NLRP1: variants seen among roughly 807,000 people sequenced by gnomAD.
The protein encoded by NLRP1 is NLR family pyrin domain containing 1, also known as NACHT, LRR and PYD domains-containing protein 1.
A neutral mutation model predicts 136.7 loss-of-function variants in NLRP1; 94 were observed. The observed-to-expected ratio is 0.69, with a 90% CI of 0.58 to 0.82. The LOEUF (loss-of-function observed/expected upper bound fraction) is 0.82, where lower values mean the gene tolerates loss of function less well. Ranked by LOEUF, NLRP1 falls within the 40% of genes least tolerant of loss-of-function variation. The pLI is 0.00. For missense variants in NLRP1, 1,575 were observed against 1,802.7 expected (o/e 0.87, Z 2.29); for synonymous variants, 690 against 725.1 (o/e 0.95, Z 0.78).
rs565867931 is a variant in NLRP1 at position 5,545,517 on chromosome 17, C to CACACAGACACAG, written c.2529-3502_2529-3491dup. Among the ~76,000 whole-genome samples the CACACAGACACAG allele has an allele frequency of 1.0e-3, 148 of 145,746 alleles. 2 individuals carry two copies. The highest frequency in any genetic ancestry group is 1.4e-3 in the Non-Finnish European group (91 of 66,358). ...ACACACAGACACACACACACATACA[C>CACACAGACACAG]ACACAGACACAGACACAGACACACA... On this transcript the variant is annotated intron_variant, in intron 5 of 16. Transcript: ENST00000572272.
intron 3 of NLRP1, 117 bp from the exon 4 acceptor site, chr17:5,560,160 C>T (rs530705574): frequency 2.1e-6 from 2 of 934,694 alleles, no homozygotes; most frequent in African/African-American, 3.3e-5. Context: ...TCTGCAGACA[C>T]TGGTATGTTC....
chr17:5,511,006 G>T (rs12602960), downstream of NLRP1, among the ~76,000 whole-genome samples: 44,072 of 151,884 alleles, frequency 0.29, 6,707 homozygotes, highest in African/African-American at 0.39. Context: ...ACCGTTTGAC[G>T]CAAGCTTTGC....
At chr17:5,526,148 A>G in intron 12 of NLRP1, among the ~76,000 whole-genome samples, 1 of 151,732 alleles carries the variant, frequency 6.6e-6, no homozygotes, top group East Asian at 1.9e-4. Context: ...CTAATTCTTC[A>G]ATATTTTTTT....
rs754232028 is a variant in NLRP1, at chr17:5,559,529, T to G, written c.1167A>C (p.Thr389=). The G allele has an allele frequency of 9.9e-6, 16 of 1,614,168 alleles. No individual in the cohort carries two copies. In the African/African-American group the frequency reaches 2.0e-4, roughly 20 times the overall value. Residue 389 remains threonine, a synonymous_variant, in exon 4 of 17, where the codon ACA becomes ACC. Transcript: ENST00000572272. ...TCTGTCTAATGGGAGCCGGAGTGGCTGTCCCATCTTTTCCGATGAGCTCAG... is the reference window on the plus strand; with the variant it reads ...TCTGTCTAATGGGAGCCGGAGTGGCGGTCCCATCTTTTCCGATGAGCTCAG... The part of the protein sequence containing the change: ...SLAELIGKDG[T]ATPAPIRQIL...
chr17:5,581,233 C>T (rs1205531515), intron 3 of NLRP1, among the ~76,000 whole-genome samples: 2 of 152,188 alleles, frequency 1.3e-5, no homozygotes, highest in Admixed American at 6.5e-5. Context: ...GTATGACTGT[C>T]CTTATTGCCC....
intron 7 of NLRP1, among the ~76,000 whole-genome samples, chr17:5,538,345 G>A (rs1208883518): frequency 6.8e-6 from 1 of 147,376 alleles, no homozygotes; most frequent in Non-Finnish European, 1.5e-5. Context: ...ACTCCACTCA[G>A]GGTCCTTCAG....
chr17:5,529,084 T>C (rs534994778), intron 12 of NLRP1, among the ~76,000 whole-genome samples: 1 of 152,318 alleles, frequency 6.6e-6, no homozygotes, highest in African/African-American at 2.4e-5. Context: ...ACCCTTTCTT[T>C]CTGGCTGATG....
chr17:5,527,922 C>T (rs1909761771), intron 12 of NLRP1, among the ~76,000 whole-genome samples: 1 of 152,224 alleles, frequency 6.6e-6, no homozygotes, highest in African/African-American at 2.4e-5. Flanking sequence ...TGGGGAGGGC[C>T]AGCTCATCCA....
downstream of NLRP1, chr17:5,512,089 G>T: frequency 1.4e-6 from 1 of 734,352 alleles, no homozygotes; most frequent in Non-Finnish European, 2.5e-6. Context: ...TTGTGGTTTT[G>T]GTGCATCCAC....
chr17:5,531,155 TATCTATCTA>T (rs1555543810), intron 11 of NLRP1, among the ~76,000 whole-genome samples: 102 of 141,524 alleles, frequency 7.2e-4, no homozygotes, highest in Middle Eastern at 7.3e-3. Flanking sequence ...TCTATCTATC[TATCTATCTA>T]ATCTATCTAA....
In NLRP1 at chr17:5,545,337, G is replaced by GAC. The variant is rs55788409; in HGVS notation, c.2529-3312_2529-3311dup. On this transcript the variant is annotated intron_variant, in intron 5 of 16. Transcript: ENST00000572272. ...TGTCTCTCTTACACACAGACACACA[G>GAC]ACACACACACACACACACACAGACA... 5.8e-3 allele frequency among the ~76,000 whole-genome samples: 860 copies of GAC among 147,844 alleles called. 9 individuals carry two copies. The highest frequency in any genetic ancestry group is 8.7e-3 in the African/African-American group (350 of 40,052).
intron 8 of NLRP1, among the ~76,000 whole-genome samples, chr17:5,535,265 T>G (rs1193884657): frequency 1.3e-5 from 2 of 151,742 alleles, no homozygotes; most frequent in Non-Finnish European, 2.9e-5. Flanking sequence ...CCAGAGATTC[T>G]GATTCAGTGG....
chr17:5,541,386 G>A lies in NLRP1; in HGVS notation c.2699+471C>T, dbSNP rs11078568. ...GCGGGGGGGATGGCTCTGTCCCCTC[G>A]GATGAGATAGTAAATCGAACTAAGT... On this transcript the variant is annotated intron_variant, in intron 6 of 16. Coordinates refer to ENST00000572272, the MANE Select transcript of NLRP1 (RefSeq NM_033004.4). This position sits in a 1 kb window ranked among gnomAD's most constrained non-coding sequence, Gnocchi z 4.2. 0.043 allele frequency among the ~76,000 whole-genome samples: 6,470 copies of A among 152,184 alleles called. 170 individuals carry two copies. Among genetic ancestry groups the A allele is most frequent in the Middle Eastern group, 0.088 (26 of 294 alleles).
rs199897977 is a variant in NLRP1 at position 5,559,150 on chromosome 17, G to C, written c.1546C>G (p.Leu516Val). Residue 516 changes from leucine (L) to valine (V), a missense_variant, in exon 4 of 17, where the codon CTG becomes GTG. Transcript: ENST00000572272. The stretch of plus-strand genomic sequence containing the variant: ...CAGGACACCCAGGGCACAAGACACA[G>C]GGCCCAGAGCTCTTTGTTTGATTTG... ...LVKSNKELWA[L>V]CLVPWVSWLA... 1 of 1,614,182 alleles carries C rather than the reference G, an allele frequency of 6.2e-7. No homozygotes were observed. The highest frequency in any genetic ancestry group is 8.5e-7 in the Non-Finnish European group (1 of 1,180,034).
Position 5,537,245 on chromosome 17 carries a change from G to T in NLRP1, c.2871-305C>A, listed in dbSNP as rs955790132. Among the ~76,000 whole-genome samples the T allele has an allele frequency of 6.6e-6, 1 of 152,232 alleles. No individual in the cohort carries two copies. Among genetic ancestry groups the T allele is most frequent in the South Asian group, 2.1e-4 (1 of 4,836 alleles). On this transcript the variant is annotated intron_variant, in intron 7 of 16. Coordinates refer to ENST00000572272, the MANE Select transcript of NLRP1 (RefSeq NM_033004.4). The surrounding 1 kb of genome is among the most constrained non-coding windows in gnomAD (Gnocchi z 4.5). ...GCTGTTTAAAGGAGTTGGGTTGAGG[G>T]GCTGGGCCTTTCTACCCCAACATTG...
At chr17:5,535,203 G>A (rs551718129) in intron 8 of NLRP1, among the ~76,000 whole-genome samples, 1 of 151,846 alleles carries the variant, frequency 6.6e-6, no homozygotes, top group South Asian at 2.1e-4. Context: ...CTGGGTGACA[G>A]AGCGAGACTC....
At chr17:5,562,165 C>T (rs995806372) in intron 3 of NLRP1, among the ~76,000 whole-genome samples, 1 of 152,222 alleles carries the variant, frequency 6.6e-6, no homozygotes, top group Non-Finnish European at 1.5e-5. Context: ...GCCCAGCAGT[C>T]CCGCTACTCT....
In NLRP1 at chr17:5,542,010, A is replaced by G; in HGVS notation, c.2546T>C (p.Leu849Pro). 6.2e-7 allele frequency: 1 copy of G among 1,613,634 alleles called. No individual in the cohort carries two copies. The highest frequency in any genetic ancestry group is 8.5e-7 in the Non-Finnish European group (1 of 1,179,842). ...LETLRLAGCG[L>P]TAEDCKDLAF... Reference sequence around the variant, plus strand: ...AAGGTCCTTGCAGTCCTCAGCTGTGAGGCCACAGCCAGCCAACCTGTGGAA... The same window carrying G: ...AAGGTCCTTGCAGTCCTCAGCTGTGGGGCCACAGCCAGCCAACCTGTGGAA... Residue 849 changes from leucine (L) to proline (P), a missense_variant, in exon 6 of 17, where the codon CTC becomes CCC. Physicochemically the swap from Leu to Pro is moderately conservative, Grantham distance 98 (BLOSUM62 -3). Coordinates refer to ENST00000572272, the MANE Select transcript of NLRP1 (RefSeq NM_033004.4).
chr17:5,548,427 C>T (rs7224037), intron 5 of NLRP1, among the ~76,000 whole-genome samples: 7,182 of 152,248 alleles, frequency 0.047, 196 homozygotes, highest in Middle Eastern at 0.086. Flanking sequence ...ATCAATGACT[C>T]CTTCTCCTTC....
Sources: gnomAD v4.1 joint callset for allele counts (sites outside exome capture counted in the v4.1 genomes callset) on GRCh38, gnomAD v4.1.1 for gene constraint, Gnocchi (gnomAD v3.1) non-coding constraint, MANE v1.5 for transcripts, NCBI Gene and HGNC (gene_info 2026-07-23, HGNC 2026-07-21) for gene names.